UBE2E2: variants seen among roughly 807,000 people sequenced by gnomAD.
The protein encoded by UBE2E2 is ubiquitin conjugating enzyme E2 E2.
A neutral mutation model predicts 24.7 loss-of-function variants in UBE2E2; 6 were observed. The ratio of observed to expected loss-of-function variants is 0.24; its 90% CI spans 0.13 to 0.48. UBE2E2 has a LOEUF of 0.48. UBE2E2 is among the 20% of genes least tolerant of loss of function. The probability of loss-of-function intolerance (pLI) is 0.99; values close to 1 mark genes in which losing one functional copy is unlikely to be tolerated. For missense variants in UBE2E2, 169 were observed against 245.0 expected (o/e 0.69, Z 2.07); for synonymous variants, 104 against 83.6 (o/e 1.24, Z -1.33).
intron 3 of UBE2E2, among the ~76,000 whole-genome samples, chr3:23,374,824 G>A (rs903075467): frequency 6.6e-6 from 1 of 151,998 alleles, no homozygotes; most frequent in Non-Finnish European, 1.5e-5. Context: ...ATTTTTTTGA[G>A]ATAGGGCCTG....
intron 3 of UBE2E2, among the ~76,000 whole-genome samples, chr3:23,284,334 T>C (rs932264875): frequency 1.3e-5 from 2 of 152,086 alleles, no homozygotes; most frequent in African/African-American, 4.8e-5. Context: ...TAAAGACTCT[T>C]TTTGGCCTTA....
intron 3 of UBE2E2, among the ~76,000 whole-genome samples, chr3:23,442,114 C>T (rs1470337509): frequency 6.6e-6 from 1 of 151,940 alleles, no homozygotes; most frequent in Admixed American, 6.6e-5. Flanking sequence ...AGTAAAAGAA[C>T]ATATGTATAT....
At chr3:23,206,839 T>C (rs1696160022) in intron 1 of UBE2E2, among the ~76,000 whole-genome samples, 1 of 152,200 alleles carries the variant, frequency 6.6e-6, no homozygotes, top group Non-Finnish European at 1.5e-5. Flanking sequence ...GTTATAGTAA[T>C]TAAAAAATTT....
chr3:23,251,979 T>C (rs1212079652), intron 3 of UBE2E2, among the ~76,000 whole-genome samples: 1 of 152,216 alleles, frequency 6.6e-6, no homozygotes, highest in African/African-American at 2.4e-5. Context: ...CAAATGAAAA[T>C]TATGTTAACA....
At chr3:23,523,196 G>C (rs1694908856) in intron 4 of UBE2E2, among the ~76,000 whole-genome samples, 1 of 152,172 alleles carries the variant, frequency 6.6e-6, no homozygotes, top group Non-Finnish European at 1.5e-5. Flanking sequence ...GAAGGAATCT[G>C]TTTGCCCCTT....
chr3:23,427,618 G>C (rs751154195), intron 3 of UBE2E2, among the ~76,000 whole-genome samples: 7 of 152,146 alleles, frequency 4.6e-5, no homozygotes, highest in Non-Finnish European at 8.8e-5. Context: ...TAAATGTCAA[G>C]AGATTGTCAG....
intron 3 of UBE2E2, among the ~76,000 whole-genome samples, chr3:23,424,439 G>GT (rs35712816): frequency 0.23 from 33,246 of 142,930 alleles, 3,976 homozygotes; most frequent in Non-Finnish European, 0.29. Context: ...AAACACCTTT[G>GT]TTTTTTTTTT....
chr3:23,521,188 A>G (rs1694855645), intron 4 of UBE2E2, among the ~76,000 whole-genome samples: 2 of 152,156 alleles, frequency 1.3e-5, no homozygotes, highest in African/African-American at 2.4e-5. Flanking sequence ...CATTTATCAA[A>G]TCTGTAAATA....
intron 3 of UBE2E2, among the ~76,000 whole-genome samples, chr3:23,357,201 A>C (rs531413599): frequency 6.6e-6 from 1 of 152,350 alleles, no homozygotes; most frequent in East Asian, 1.9e-4. Flanking sequence ...GGATAAGTAC[A>C]AAGTCACTAG....
At chr3:23,322,681 C>T (rs1240382859) in intron 3 of UBE2E2, among the ~76,000 whole-genome samples, 2 of 151,910 alleles carry the variant, frequency 1.3e-5, no homozygotes, top group Admixed American at 6.6e-5. Context: ...CATGTAACTT[C>T]GTAAGCTTTA....
At chr3:23,336,992 T>A (rs916403603) in intron 3 of UBE2E2, among the ~76,000 whole-genome samples, 7 of 152,016 alleles carry the variant, frequency 4.6e-5, no homozygotes, top group African/African-American at 1.7e-4. Flanking sequence ...ATAGAAAAAT[T>A]AGCCAGTGTG....
intron 4 of UBE2E2, among the ~76,000 whole-genome samples, chr3:23,510,927 GA>G (rs1174481964): frequency 6.6e-6 from 1 of 152,156 alleles, no homozygotes; most frequent in Non-Finnish European, 1.5e-5. Context: ...GTTCAGCCCA[GA>G]AAAGAATTAA....
At chr3:23,568,694 C>CATATATGTAT (rs1374547654) in intron 5 of UBE2E2, among the ~76,000 whole-genome samples, 12,531 of 132,558 alleles carry the variant, frequency 0.095, 822 homozygotes, top group South Asian at 0.22. Context: ...CATATATACA[C>CATATATGTAT]ACATATATAT....
At chr3:23,488,104 C>T (rs536446645) in intron 3 of UBE2E2, among the ~76,000 whole-genome samples, 70 of 151,930 alleles carry the variant, frequency 4.6e-4, no homozygotes, top group Non-Finnish European at 8.4e-4. Flanking sequence ...AAAAGATGTT[C>T]TCAGCCAAAG....
intron 3 of UBE2E2, among the ~76,000 whole-genome samples, chr3:23,228,325 C>G (rs1425086295): frequency 6.6e-6 from 1 of 151,890 alleles, no homozygotes; most frequent in Non-Finnish European, 1.5e-5. Context: ...CACACTGGGA[C>G]TGTATTTTAT....
intron 5 of UBE2E2, among the ~76,000 whole-genome samples, chr3:23,562,215 T>C (rs1286161738): frequency 1.3e-5 from 2 of 152,124 alleles, no homozygotes; most frequent in African/African-American, 2.4e-5. Flanking sequence ...TTGTCATAGA[T>C]AGCTCTTATT....
At chr3:23,469,814 G>A (rs1698996527) in intron 3 of UBE2E2, among the ~76,000 whole-genome samples, 1 of 152,184 alleles carries the variant, frequency 6.6e-6, no homozygotes. Context: ...TTGGGGTTTT[G>A]TATTTGAAGT....
At chr3:23,444,449 AC>A (rs1698380587) in intron 3 of UBE2E2, among the ~76,000 whole-genome samples, 1 of 152,126 alleles carries the variant, frequency 6.6e-6, no homozygotes, top group Non-Finnish European at 1.5e-5. Flanking sequence ...GGAAACAATC[AC>A]CCCTTAACCC....
chr3:23,527,076 T>G (rs897095934), intron 4 of UBE2E2, among the ~76,000 whole-genome samples: 1 of 152,208 alleles, frequency 6.6e-6, no homozygotes, highest in African/African-American at 2.4e-5. Context: ...TGTTCAACAT[T>G]ATTAGCATTT....
Sources: allele counts gnomAD v4.1 joint callset (sites outside exome capture counted in the v4.1 genomes callset), GRCh38; gene constraint gnomAD v4.1.1; transcripts MANE v1.5; gene names NCBI Gene and HGNC (gene_info 2026-07-23, HGNC 2026-07-21).